ADGRD1: variants seen among roughly 807,000 people sequenced by gnomAD.
ADGRD1 encodes the protein adhesion G protein-coupled receptor D1, also known as G-protein coupled receptor 133.
A neutral mutation model predicts 113.4 loss-of-function variants in ADGRD1; 77 were observed. The ratio of observed to expected loss-of-function variants is 0.68; its 90% CI spans 0.57 to 0.82. The LOEUF (loss-of-function observed/expected upper bound fraction) is 0.82, where lower values mean the gene tolerates loss of function less well. Among genes scored for constraint, ADGRD1 ranks in the 40% least tolerant of loss-of-function variants. The pLI, the probability that ADGRD1 is intolerant of heterozygous loss-of-function variation, is 0.00. For synonymous variants in ADGRD1, 474 were observed against 475.0 expected, an observed-to-expected ratio of 1.00 and a Z score of 0.03; for missense variants, 1,036 against 1,139.1, an observed-to-expected ratio of 0.91 and a Z score of 1.30.
intron 4 of ADGRD1, among the ~76,000 whole-genome samples, chr12:130,978,999 G>T (rs1187185773): frequency 6.6e-6 from 1 of 151,920 alleles, no homozygotes; most frequent in Non-Finnish European, 1.5e-5. Context: ...GAGGCTCGGG[G>T]GGTTGTCCTG....
At chr12:131,137,607 G>T in intron 23 of ADGRD1, 1 of 210,450 alleles carries the variant, frequency 4.8e-6, no homozygotes, top group Non-Finnish European at 9.6e-6. Flanking sequence ...CGTCCTGCCC[G>T]GTCCATCTCA....
At position 131,006,043 on chromosome 12, in the gene ADGRD1, A is replaced by T; in HGVS notation, c.1327A>T (p.Thr443Ser). ...CCTGAACAACATCTGGCCCGCCCAC[A>T]CCAAGTGAGTCTCGGGGGTGCTCAG... is the stretch of plus-strand genomic sequence containing the variant. ...YYLNNIWPAH[T>S]KIAEAMHHQD... Residue 443 changes from threonine (T) to serine (S), a missense_variant, in exon 12 of 25, where the codon ACC becomes TCC. By Grantham distance (58) the Thr-to-Ser change is moderately conservative. Transcript: ENST00000261654. 6.2e-7 allele frequency: 1 copy of T among 1,610,492 alleles called. No individual in the cohort carries two copies. The highest frequency in any genetic ancestry group is 8.5e-7 in the Non-Finnish European group (1 of 1,179,410).
At chr12:131,135,171 C>A (rs569454394) in intron 21 of ADGRD1, among the ~76,000 whole-genome samples, 36 of 152,346 alleles carry the variant, frequency 2.4e-4, no homozygotes, top group Non-Finnish European at 3.4e-4. Flanking sequence ...TGTGCCCAGT[C>A]AGAGCAGGTG....
At chr12:131,039,662 C>T (rs187748322) in intron 13 of ADGRD1, among the ~76,000 whole-genome samples, 3 of 152,296 alleles carry the variant, frequency 2.0e-5, no homozygotes, top group Non-Finnish European at 2.9e-5. Context: ...CGCACCCACC[C>T]GAACCCAACC....
Position 131,113,376 on chromosome 12 carries a change from C to T in ADGRD1, c.2041+4499C>T, listed in dbSNP as rs890366164. 1.3e-5 allele frequency among the ~76,000 whole-genome samples: 2 copies of T among 152,034 alleles called. No homozygotes were observed. The highest frequency in any genetic ancestry group is 6.6e-5 in the Admixed American group (1 of 15,266). Reference sequence around the variant, plus strand: ...ATGTGGCTTCTTTGCTGAGCTTTGCCCTTGCCCATCCCAAGGGGTCCCAGT... The same window carrying T: ...ATGTGGCTTCTTTGCTGAGCTTTGCTCTTGCCCATCCCAAGGGGTCCCAGT... On this transcript the variant is annotated intron_variant, in intron 18 of 24. Coordinates refer to ENST00000261654, the MANE Select transcript of ADGRD1 (RefSeq NM_198827.5). This position sits in a 1 kb window ranked among gnomAD's most constrained non-coding sequence, Gnocchi z 4.9.
At chr12:130,979,815 T>TCACACACACACACACACACACACACACA (rs1491129989) in intron 4 of ADGRD1, among the ~76,000 whole-genome samples, 4 of 139,744 alleles carry the variant, frequency 2.9e-5, no homozygotes, top group African/African-American at 8.7e-5. Context: ...GCAGCTAGTG[T>TCACACACACACACACACACACACACACA]CTCACACACA....
chr12:131,125,120 A>C, intron 20 of ADGRD1, among the ~76,000 whole-genome samples: 1 of 152,182 alleles, frequency 6.6e-6, no homozygotes, highest in East Asian at 1.9e-4. Context: ...CAGTCATTGG[A>C]TTAAAGCTCA....
intron 13 of ADGRD1, among the ~76,000 whole-genome samples, chr12:131,038,380 C>G (rs1881762447): frequency 6.6e-6 from 1 of 152,232 alleles, no homozygotes; most frequent in Non-Finnish European, 1.5e-5. Flanking sequence ...TCTCGCCTGC[C>G]TGCCACCTCC....
At chr12:131,008,554 A>G (rs1593347815) in intron 12 of ADGRD1, among the ~76,000 whole-genome samples, 1 of 152,214 alleles carries the variant, frequency 6.6e-6, no homozygotes, top group East Asian at 1.9e-4. Flanking sequence ...CCCCAGGCAG[A>G]CCATTCCAGG....
At chr12:131,098,878 G>C (rs1256185331) in intron 15 of ADGRD1, among the ~76,000 whole-genome samples, 1 of 152,224 alleles carries the variant, frequency 6.6e-6, no homozygotes, top group Non-Finnish European at 1.5e-5. Flanking sequence ...GCTGTAGCAG[G>C]GGCCATCACG....
At chr12:131,030,391 T>C (rs965215499) in intron 13 of ADGRD1, among the ~76,000 whole-genome samples, 2 of 152,214 alleles carry the variant, frequency 1.3e-5, no homozygotes, top group African/African-American at 4.8e-5. Context: ...GCTGAAATTG[T>C]TGGGGCAGTG....
Position 131,006,033 on chromosome 12 carries a change from G to T in ADGRD1, c.1317G>T (p.Trp439Cys), listed in dbSNP as rs1308328903. ...HSMHYYLNNI[W>C]PAHTKIAEAM... is the part of the protein sequence containing the mutation. The stretch of plus-strand genomic sequence containing the variant: ...TGCACTACTACCTGAACAACATCTG[G>T]CCCGCCCACACCAAGTGAGTCTCGG... The change falls in exon 12 of 25, where the codon TGG becomes TGT. Residue 439 changes from tryptophan (W) to cysteine (C), a missense_variant. By Grantham distance (215) the Trp-to-Cys change is radical. Transcript: ENST00000261654. 3 of 1,612,504 alleles carry T rather than the reference G, an allele frequency of 1.9e-6. No homozygotes were observed. Among genetic ancestry groups the T allele is most frequent in the Non-Finnish European group, 2.5e-6 (3 of 1,179,956 alleles).
At position 131,094,102 on chromosome 12, in the gene ADGRD1, G is replaced by T. The variant is rs140073173; in HGVS notation, c.1671+9439G>T. The stretch of plus-strand genomic sequence containing the variant: ...CCTGAGCACCCAGTCTCAGCACCCA[G>T]CCCTGAGCACCCAGCCTCGGTACCC... On this transcript the variant is annotated intron_variant, in intron 15 of 24. Transcript: ENST00000261654. 8.5e-4 allele frequency among the ~76,000 whole-genome samples: 127 copies of T among 149,576 alleles called. 1 individual carries two copies. The East Asian group carries it at 0.023, about 27-fold the overall frequency.
At chr12:131,127,455 C>G (rs1369399826) in intron 20 of ADGRD1, among the ~76,000 whole-genome samples, 2 of 152,218 alleles carry the variant, frequency 1.3e-5, no homozygotes, top group African/African-American at 4.8e-5. Context: ...ATGATGAGAC[C>G]TCTGAGCTCA....
intron 13 of ADGRD1, chr12:131,025,496 C>T (rs1397018876): frequency 6.6e-6 from 1 of 152,052 alleles, no homozygotes; most frequent in African/African-American, 2.4e-5. Flanking sequence ...GGAATTTTCT[C>T]CCAACATGGG....
intron 12 of ADGRD1, among the ~76,000 whole-genome samples, chr12:131,012,739 C>T (rs1320938778): frequency 6.6e-6 from 1 of 152,094 alleles, no homozygotes; most frequent in Non-Finnish European, 1.5e-5. Flanking sequence ...ATATGGTGCC[C>T]CCAGCTCCCA....
chr12:130,971,140 G>C lies in ADGRD1; in HGVS notation c.188-318G>C, dbSNP rs1161940963. The C allele has an allele frequency of 6.3e-6, 1 of 159,708 alleles. No homozygotes were observed. Among genetic ancestry groups the C allele is most frequent in the African/African-American group, 2.4e-5 (1 of 41,466 alleles). The allele number at this position is 159,708 out of a possible 1,614,324, so 9.9% of individuals were successfully genotyped here. ...CAATTATCACATCATCATACGATATGATATGCAATATGAAATCCATATGCA... is the reference window on the plus strand; with the variant it reads ...CAATTATCACATCATCATACGATATCATATGCAATATGAAATCCATATGCA... On this transcript the variant is annotated intron_variant, in intron 3 of 24. Coordinates refer to ENST00000261654, the MANE Select transcript of ADGRD1 (RefSeq NM_198827.5). The surrounding 1 kb of genome is among the most constrained non-coding windows in gnomAD (Gnocchi z 4.2).
intron 7 of ADGRD1, among the ~76,000 whole-genome samples, chr12:130,991,903 T>A (rs1158881409): frequency 6.6e-6 from 1 of 152,062 alleles, no homozygotes; most frequent in Non-Finnish European, 1.5e-5. Context: ...GAAGGATCAC[T>A]TGAGGTCCGG....
chr12:130,996,480 C>T (rs1484632482), intron 8 of ADGRD1, among the ~76,000 whole-genome samples: 2 of 115,668 alleles, frequency 1.7e-5, no homozygotes, highest in African/African-American at 3.2e-5. Flanking sequence ...TAGGGGCGGC[C>T]GGGCAGAGGC....
Sources: allele counts gnomAD v4.1 joint callset (sites outside exome capture counted in the v4.1 genomes callset), GRCh38; gene constraint gnomAD v4.1.1; non-coding constraint Gnocchi (gnomAD v3.1); transcripts MANE v1.5; gene names NCBI Gene and HGNC (gene_info 2026-07-23, HGNC 2026-07-21).